Variants in ERC2 observed in about 807,000 individuals in gnomAD.
The protein encoded by ERC2 is ERC protein 2.
ERC2 carries 42 observed loss-of-function variants against 114.8 expected under a neutral mutation model. That is an observed-to-expected ratio of 0.37 (90% CI 0.29 to 0.47). The LOEUF (loss-of-function observed/expected upper bound fraction) is 0.47. Ranked by LOEUF, ERC2 falls within the 20% of genes least tolerant of loss-of-function variation. The probability of loss-of-function intolerance (pLI) is 0.99; values close to 1 mark genes in which losing one functional copy is unlikely to be tolerated. For synonymous variants in ERC2, 454 were observed against 425.5 expected, an observed-to-expected ratio of 1.07 and a Z score of -0.82; for missense variants, 939 against 1,150.7, an observed-to-expected ratio of 0.82 and a Z score of 2.66.
At chr3:55,930,126 C>A (rs1280870973) in intron 13 of ERC2, among the ~76,000 whole-genome samples, 1 of 152,120 alleles carries the variant, frequency 6.6e-6, no homozygotes, top group Non-Finnish European at 1.5e-5. Context: ...GTAATCCCAG[C>A]CACTTGGGAG....
At chr3:56,117,870 T>C (rs1460309558) in intron 6 of ERC2, among the ~76,000 whole-genome samples, 3 of 152,164 alleles carry the variant, frequency 2.0e-5, no homozygotes, top group Admixed American at 6.5e-5. Context: ...AAAGGCACCA[T>C]GGCAATGAGA....
At chr3:55,887,361 T>A (rs2063395125) in intron 14 of ERC2, among the ~76,000 whole-genome samples, 1 of 152,230 alleles carries the variant, frequency 6.6e-6, no homozygotes, top group African/African-American at 2.4e-5. Flanking sequence ...TTCATTCCAA[T>A]ATTTTCCATG....
At chr3:55,651,138 G>C (rs2060605463) in intron 17 of ERC2, among the ~76,000 whole-genome samples, 1 of 150,200 alleles carries the variant, frequency 6.7e-6, no homozygotes, top group African/African-American at 2.5e-5. Context: ...TGGGATTACA[G>C]GCGTGAGCCA....
chr3:55,907,043 C>T (rs1320201082), intron 13 of ERC2, among the ~76,000 whole-genome samples: 2 of 152,182 alleles, frequency 1.3e-5, no homozygotes, highest in Non-Finnish European at 2.9e-5. Context: ...ACTGCCTTGT[C>T]ATGTATGCAC....
chr3:56,341,016 AATGG>A (rs2058070289), intron 2 of ERC2, among the ~76,000 whole-genome samples: 1 of 152,232 alleles, frequency 6.6e-6, no homozygotes, highest in Non-Finnish European at 1.5e-5. Flanking sequence ...TAGCTCACTG[AATGG>A]TACCCAGAAG....
intron 8 of ERC2, among the ~76,000 whole-genome samples, chr3:56,011,823 T>C (rs1402162527): frequency 6.6e-6 from 1 of 152,170 alleles, no homozygotes. Flanking sequence ...AGACAATGCC[T>C]GATAAATAAG....
At chr3:55,783,924 C>G (rs185003161) in intron 14 of ERC2, among the ~76,000 whole-genome samples, 28 of 152,204 alleles carry the variant, frequency 1.8e-4, no homozygotes, top group Non-Finnish European at 3.4e-4. Context: ...CTATCTTTCA[C>G]CCCTAACTAC....
chr3:55,535,154 C>G (rs2053919403), intron 17 of ERC2, among the ~76,000 whole-genome samples: 1 of 152,158 alleles, frequency 6.6e-6, no homozygotes, highest in South Asian at 2.1e-4. Context: ...AGCTTCATTT[C>G]CCAACCAGCT....
At chr3:55,579,416 T>C (rs910967774) in intron 17 of ERC2, among the ~76,000 whole-genome samples, 7 of 152,234 alleles carry the variant, frequency 4.6e-5, no homozygotes, top group African/African-American at 1.7e-4. Flanking sequence ...GCATCTGCTA[T>C]ATGGAGTTGT....
intron 14 of ERC2, among the ~76,000 whole-genome samples, chr3:55,877,514 TC>T (rs1372556161): frequency 6.8e-6 from 1 of 146,138 alleles, no homozygotes; most frequent in African/African-American, 2.6e-5. Flanking sequence ...TTTTATTTTT[TC>T]TTTTTTTTTT....
intron 2 of ERC2, among the ~76,000 whole-genome samples, chr3:56,420,163 C>T (rs1306683693): frequency 4.3e-5 from 6 of 138,944 alleles, no homozygotes; most frequent in Non-Finnish European, 7.8e-5. Flanking sequence ...GTTTTTAGAA[C>T]TTAAGTGGTT....
In ERC2 at chr3:55,579,399, A is replaced by G. The variant is rs575231193; in HGVS notation, c.*40-68123T>C. The stretch of plus-strand genomic sequence containing the variant: ...GGTTGTATTCTGGGTTAGACAAGTT[A>G]CAACAGGCATCTGCTATATGGAGTT... On this transcript the variant is annotated intron_variant, in intron 17 of 17. Transcript: ENST00000288221. 2.0e-5 allele frequency among the ~76,000 whole-genome samples: 3 copies of G among 152,334 alleles called. No homozygotes were observed. In the South Asian group the frequency reaches 6.2e-4, roughly 32 times the overall value.
chr3:56,174,583 TAAAA>T (rs1344452249), intron 3 of ERC2, among the ~76,000 whole-genome samples: 2 of 152,084 alleles, frequency 1.3e-5, no homozygotes, highest in South Asian at 2.1e-4. Flanking sequence ...AAAAAGGAGT[TAAAA>T]AAGAGGATCA....
chr3:55,516,611 T>C (rs1204979660), intron 17 of ERC2, among the ~76,000 whole-genome samples: 1 of 152,138 alleles, frequency 6.6e-6, no homozygotes, highest in Non-Finnish European at 1.5e-5. Flanking sequence ...ATGACGGAGT[T>C]TGCTGGGAGG....
At chr3:56,118,279 G>A (rs998143316) in intron 6 of ERC2, among the ~76,000 whole-genome samples, 6 of 152,280 alleles carry the variant, frequency 3.9e-5, no homozygotes, top group South Asian at 4.1e-4. Context: ...TCTATAAAAT[G>A]GGATACTTCT....
intron 15 of ERC2, among the ~76,000 whole-genome samples, chr3:55,730,208 C>T (rs1191254392): frequency 6.6e-6 from 1 of 152,118 alleles, no homozygotes; most frequent in Non-Finnish European, 1.5e-5. Flanking sequence ...CAACGCTGCA[C>T]CAGATATGAG....
At chr3:56,124,470 A>G (rs2079764239) in intron 6 of ERC2, among the ~76,000 whole-genome samples, 1 of 152,238 alleles carries the variant, frequency 6.6e-6, no homozygotes, top group Non-Finnish European at 1.5e-5. Flanking sequence ...TCACTTTTTC[A>G]TAGTGGTCAA....
At chr3:55,962,645 A>G (rs990364741) in intron 12 of ERC2, among the ~76,000 whole-genome samples, 1 of 152,178 alleles carries the variant, frequency 6.6e-6, no homozygotes, top group African/African-American at 2.4e-5. Context: ...ATATTAACTT[A>G]CTTAATTCTT....
chr3:55,733,311 G>T (rs2065376579), intron 15 of ERC2, among the ~76,000 whole-genome samples: 1 of 152,098 alleles, frequency 6.6e-6, no homozygotes, highest in Non-Finnish European at 1.5e-5. Context: ...CGTTAGCAAG[G>T]CATGCCACTC....
Sources: allele counts gnomAD v4.1 joint callset (sites outside exome capture counted in the v4.1 genomes callset), GRCh38; gene constraint gnomAD v4.1.1; transcripts MANE v1.5; gene names NCBI Gene and HGNC (gene_info 2026-07-23, HGNC 2026-07-21).